Variants in GRIP1 observed in about 807,000 individuals in gnomAD.
GRIP1 encodes the protein glutamate receptor interacting protein 1, also known as glutamate receptor-interacting protein 1.
In GRIP1, 45 loss-of-function variants were observed where a neutral mutation model predicts 129.9. The observed-to-expected ratio is 0.35, with a 90% CI of 0.27 to 0.44. GRIP1 has a LOEUF of 0.44. Ranked by LOEUF, GRIP1 falls within the 20% of genes least tolerant of loss-of-function variation. GRIP1 has a pLI of 1.00. For synonymous variants in GRIP1, 530 were observed against 520.8 expected (o/e 1.02, Z -0.24); for missense variants, 1,196 against 1,396.8 (o/e 0.86, Z 2.29).
intron 1 of GRIP1, chr12:67,069,015 C>CG: frequency 1.1e-6 from 1 of 921,382 alleles, no homozygotes; most frequent in Non-Finnish European, 1.3e-6. Context: ...GCCCGGACCC[C>CG]TGCCCTCCCT....
chr12:66,751,842 GACA>G (rs2037134690), intron 1 of GRIP1, among the ~76,000 whole-genome samples: 1 of 152,134 alleles, frequency 6.6e-6, no homozygotes, highest in South Asian at 2.1e-4. Context: ...TGAAAGTGCT[GACA>G]ACATGTGTCA....
At chr12:66,862,995 T>C (rs1249033135) in intron 1 of GRIP1, among the ~76,000 whole-genome samples, 2 of 151,468 alleles carry the variant, frequency 1.3e-5, no homozygotes, top group Non-Finnish European at 2.9e-5. Flanking sequence ...AACAAGTACA[T>C]GTAAAGTTGG....
chr12:66,470,929 G>C (rs1431592554), intron 7 of GRIP1, among the ~76,000 whole-genome samples: 1 of 152,200 alleles, frequency 6.6e-6, no homozygotes, highest in African/African-American at 2.4e-5. Flanking sequence ...TCCTTGACAT[G>C]AGCTGGGACC....
chr12:66,837,197 T>A (rs1357418004), intron 1 of GRIP1, among the ~76,000 whole-genome samples: 1 of 152,250 alleles, frequency 6.6e-6, no homozygotes, highest in African/African-American at 2.4e-5. Context: ...GTACCCACTA[T>A]GAGCCATAAC....
intron 1 of GRIP1, among the ~76,000 whole-genome samples, chr12:67,013,501 C>A (rs566858983): frequency 6.6e-6 from 1 of 152,228 alleles, no homozygotes; most frequent in Middle Eastern, 3.4e-3. Context: ...ATCTAGAACA[C>A]AATTGAAAAT....
chr12:66,355,196 C>T (rs1012409560), intron 23 of GRIP1, among the ~76,000 whole-genome samples: 4 of 152,204 alleles, frequency 2.6e-5, no homozygotes, highest in East Asian at 1.9e-4. Flanking sequence ...CCTCTTCACA[C>T]GCTCATTCCA....
chr12:66,536,790 T>C (rs2061617812), intron 4 of GRIP1, among the ~76,000 whole-genome samples: 1 of 152,226 alleles, frequency 6.6e-6, no homozygotes, highest in Admixed American at 6.5e-5. Flanking sequence ...TTCCCCAAGC[T>C]CCTAGTACAT....
intron 5 of GRIP1, among the ~76,000 whole-genome samples, chr12:66,520,119 A>G (rs1037884599): frequency 1.3e-5 from 2 of 152,228 alleles, no homozygotes; most frequent in African/African-American, 4.8e-5. Flanking sequence ...AACTTCTCCC[A>G]TACTAAACAG....
intron 1 of GRIP1, among the ~76,000 whole-genome samples, chr12:66,856,096 A>G (rs2039998051): frequency 6.6e-6 from 1 of 152,152 alleles, no homozygotes; most frequent in East Asian, 1.9e-4. Context: ...ATCTTTGACA[A>G]ACCTGACAAA....
At chr12:66,691,935 A>G (rs2034996929) in intron 1 of GRIP1, among the ~76,000 whole-genome samples, 2 of 152,232 alleles carry the variant, frequency 1.3e-5, no homozygotes, top group Non-Finnish European at 2.9e-5. Flanking sequence ...ATGGAAGTGC[A>G]AAGCTGTAAA....
intron 1 of GRIP1, among the ~76,000 whole-genome samples, chr12:66,623,356 A>T (rs10878471): frequency 0.2 from 30,120 of 152,142 alleles, 3,102 homozygotes; most frequent in Non-Finnish European, 0.23. Context: ...AGTATTCAGG[A>T]AATGAAACAG....
At chr12:66,735,417 G>A (rs2081672250) in intron 1 of GRIP1, among the ~76,000 whole-genome samples, 1 of 152,180 alleles carries the variant, frequency 6.6e-6, no homozygotes, top group Non-Finnish European at 1.5e-5. Context: ...AAGAGACTGT[G>A]AAGTCAATAA....
chr12:66,720,207 T>A (rs1259178457), intron 1 of GRIP1, among the ~76,000 whole-genome samples: 1 of 152,214 alleles, frequency 6.6e-6, no homozygotes, highest in Non-Finnish European at 1.5e-5. Flanking sequence ...ATAGAAGTTA[T>A]GCTTACACTA....
intron 1 of GRIP1, among the ~76,000 whole-genome samples, chr12:66,644,942 G>C (rs7301248): frequency 0.25 from 37,446 of 151,966 alleles, 4,734 homozygotes; most frequent in African/African-American, 0.27. Context: ...GTCTTTAAAA[G>C]ACCATGTTTA....
intron 1 of GRIP1, among the ~76,000 whole-genome samples, chr12:67,030,135 C>T (rs906123587): frequency 1.7e-4 from 26 of 150,892 alleles, no homozygotes; most frequent in East Asian, 3.9e-4. Flanking sequence ...GGCATGAACC[C>T]GGGAGGCAGA....
intron 2 of GRIP1, among the ~76,000 whole-genome samples, chr12:66,579,119 C>T (rs1394550071): frequency 6.6e-6 from 1 of 152,196 alleles, no homozygotes. Context: ...CACTGTTCTG[C>T]AGACACCGCT....
At chr12:66,683,008 A>AAC (rs1474382202), upstream of GRIP1, among the ~76,000 whole-genome samples, 3 of 152,112 alleles carry the variant, frequency 2.0e-5, no homozygotes, top group African/African-American at 2.4e-5. Flanking sequence ...AACAGCATGG[A>AAC]ACATCCTGAC....
At chr12:66,777,500 C>T (rs574699683) in intron 1 of GRIP1, among the ~76,000 whole-genome samples, 24 of 152,196 alleles carry the variant, frequency 1.6e-4, no homozygotes, top group Non-Finnish European at 3.1e-4. Flanking sequence ...GTACCTATGA[C>T]TTTCTAACAC....
intron 1 of GRIP1, among the ~76,000 whole-genome samples, chr12:66,625,464 C>T (rs1190181297): frequency 6.6e-6 from 1 of 152,022 alleles, no homozygotes; most frequent in African/African-American, 2.4e-5. Flanking sequence ...TTTAAAGGGA[C>T]TCAATAAAGT....
Sources: gnomAD v4.1 joint callset for allele counts (sites outside exome capture counted in the v4.1 genomes callset) on GRCh38, gnomAD v4.1.1 for gene constraint, MANE v1.5 for transcripts, NCBI Gene and HGNC (gene_info 2026-07-23, HGNC 2026-07-21) for gene names.